Variants in LINGO2 observed in about 807,000 individuals in gnomAD.
The protein encoded by LINGO2 is leucine-rich repeat and immunoglobulin-like domain-containing nogo receptor-interacting protein 2.
Under a neutral mutation model 30.6 loss-of-function variants are expected in LINGO2, and 14 were observed. That is an observed-to-expected ratio of 0.46 (90% CI 0.30 to 0.72). The LOEUF (loss-of-function observed/expected upper bound fraction) is 0.72. Among genes scored for constraint, LINGO2 ranks in the 30% least tolerant of loss-of-function variants. The probability of loss-of-function intolerance (pLI) is 0.07; values close to 1 mark genes in which losing one functional copy is unlikely to be tolerated. For missense variants in LINGO2, 729 were observed against 751.7 expected (o/e 0.97, Z 0.35); for synonymous variants, 317 against 288.5 (o/e 1.10, Z -1.00).
intron 2 of LINGO2, among the ~76,000 whole-genome samples, chr9:28,466,719 T>C (rs1825316518): frequency 2.0e-5 from 3 of 152,136 alleles, no homozygotes; most frequent in African/African-American, 7.2e-5. Flanking sequence ...CATAAATATA[T>C]ATACCTACTC....
chr9:28,806,457 C>T, the LINGO2 span, among the ~76,000 whole-genome samples: 1 of 152,070 alleles, frequency 6.6e-6, no homozygotes, highest in Admixed American at 6.5e-5. Context: ...CATATCATCC[C>T]CAGCCTACTA....
At chr9:28,484,438 C>G (rs1415934853) in intron 1 of LINGO2, among the ~76,000 whole-genome samples, 1 of 152,062 alleles carries the variant, frequency 6.6e-6, no homozygotes, top group African/African-American at 2.4e-5. Context: ...CATGAGGCAG[C>G]TCTTCAAGTA....
intron 4 of LINGO2, among the ~76,000 whole-genome samples, chr9:28,254,970 T>A (rs965105354): frequency 6.6e-6 from 1 of 152,044 alleles, no homozygotes; most frequent in African/African-American, 2.4e-5. Context: ...TGTGTCCATG[T>A]GTTCTCATCA....
chr9:28,047,193 C>T (rs1824462400), intron 4 of LINGO2, among the ~76,000 whole-genome samples: 2 of 152,226 alleles, frequency 1.3e-5, no homozygotes, highest in South Asian at 4.1e-4. Context: ...GTCTTTCGGC[C>T]ACTTTGTATG....
the LINGO2 span, among the ~76,000 whole-genome samples, chr9:28,816,070 G>C: frequency 6.6e-6 from 1 of 152,162 alleles, no homozygotes; most frequent in Non-Finnish European, 1.5e-5. Context: ...TCAAGAGACT[G>C]AGGAAAGGGA....
At chr9:28,451,185 T>C (rs998386420) in intron 2 of LINGO2, among the ~76,000 whole-genome samples, 2 of 151,940 alleles carry the variant, frequency 1.3e-5, no homozygotes, top group Non-Finnish European at 2.9e-5. Flanking sequence ...ATAAGAACTC[T>C]ACTTGGGTAT....
chr9:28,048,807 TACC>T (rs1380503433), intron 4 of LINGO2, among the ~76,000 whole-genome samples: 11 of 150,806 alleles, frequency 7.3e-5, no homozygotes, highest in African/African-American at 2.7e-4. Context: ...ATGTTAAAAG[TACC>T]ACAATCGATG....
intron 2 of LINGO2, among the ~76,000 whole-genome samples, chr9:28,453,776 C>G (rs908494535): frequency 1.3e-3 from 201 of 152,062 alleles, no homozygotes; most frequent in Admixed American, 2.8e-3. Flanking sequence ...TGGCAACCAC[C>G]TTCAGGGCCC....
chr9:28,242,973 G>T (rs1310555968), intron 4 of LINGO2, among the ~76,000 whole-genome samples: 1 of 152,128 alleles, frequency 6.6e-6, no homozygotes, highest in Non-Finnish European at 1.5e-5. Flanking sequence ...CCTGAAGAAA[G>T]CACTAAGTAT....
At chr9:28,242,026 G>GA (rs1821819535) in intron 4 of LINGO2, among the ~76,000 whole-genome samples, 1 of 152,054 alleles carries the variant, frequency 6.6e-6, no homozygotes, top group Non-Finnish European at 1.5e-5. Context: ...AAAAATCAAT[G>GA]AAAAAATGCT....
At position 28,506,416 on chromosome 9, in the gene LINGO2, A is replaced by C. The variant is rs1200359793; in HGVS notation, c.-364-30391T>G. ...TTCTTAGACATATATATATATATAT[A>C]TATATACACACACACACACACACAC... On this transcript the variant is annotated intron_variant, in intron 1 of 5. Coordinates refer to ENST00000379992, the Ensembl canonical transcript of LINGO2. Among the ~76,000 whole-genome samples the C allele has an allele frequency of 4.3e-3, 14 of 3,230 alleles. No homozygotes were observed. The East Asian group carries it at 0.096, about 22-fold the overall frequency. 2.1% of individuals were successfully genotyped at this position (3,230 alleles called of 152,430 possible). A position where few individuals can be genotyped will look rare whatever the true frequency, so the allele number is the denominator to read the frequency against.
At chr9:28,025,021 A>G (rs1823310447) in intron 4 of LINGO2, among the ~76,000 whole-genome samples, 1 of 152,158 alleles carries the variant, frequency 6.6e-6, no homozygotes, top group Non-Finnish European at 1.5e-5. Context: ...CAAAGGCAGT[A>G]ATCATTTCAC....
chr9:28,041,778 C>T (rs185730573), intron 4 of LINGO2, among the ~76,000 whole-genome samples: 206 of 152,260 alleles, frequency 1.4e-3, no homozygotes, highest in African/African-American at 4.2e-3. Context: ...TTTTCCTTTT[C>T]CATGACACCT....
chr9:28,078,309 G>C (rs1227355665), intron 4 of LINGO2, among the ~76,000 whole-genome samples: 2 of 148,902 alleles, frequency 1.3e-5, no homozygotes, highest in Non-Finnish European at 2.9e-5. Flanking sequence ...AGTTTAGTTT[G>C]CAGAGTTGCT....
the LINGO2 span, among the ~76,000 whole-genome samples, chr9:28,993,071 C>T: frequency 6.6e-6 from 1 of 152,166 alleles, no homozygotes; most frequent in Admixed American, 6.5e-5. Flanking sequence ...ATTCCTGAAT[C>T]CAGGAGCTGG....
At chr9:28,079,899 T>C (rs1825726387) in intron 4 of LINGO2, among the ~76,000 whole-genome samples, 2 of 152,190 alleles carry the variant, frequency 1.3e-5, no homozygotes, top group Admixed American at 6.5e-5. Flanking sequence ...TAGCTGTCAT[T>C]ATGCGACATC....
intron 3 of LINGO2, among the ~76,000 whole-genome samples, chr9:28,351,526 A>C (rs867619646): frequency 0.013 from 1,882 of 148,604 alleles, 28 homozygotes; most frequent in African/African-American, 0.045. Context: ...CCAACCAAAA[A>C]GAGTCCAGGA....
intron 2 of LINGO2, among the ~76,000 whole-genome samples, chr9:28,389,749 T>TA (rs1232480406): frequency 6.6e-6 from 1 of 152,216 alleles, no homozygotes; most frequent in Non-Finnish European, 1.5e-5. Context: ...TTTGCAATCA[T>TA]AAAATCTAGA....
intron 2 of LINGO2, among the ~76,000 whole-genome samples, chr9:28,462,490 A>G (rs1196583043): frequency 2.0e-5 from 3 of 151,838 alleles, no homozygotes; most frequent in Admixed American, 6.6e-5. Flanking sequence ...AAAGGGATCA[A>G]GCACACTTGG....
Sources: allele counts gnomAD v4.1 joint callset (sites outside exome capture counted in the v4.1 genomes callset), GRCh38; gene constraint gnomAD v4.1.1; transcripts MANE v1.5; gene names NCBI Gene and HGNC (gene_info 2026-07-23, HGNC 2026-07-21).